MYO1B: variants seen among roughly 807,000 people sequenced by gnomAD.
MYO1B encodes myosin IB.
A neutral mutation model predicts 159.7 loss-of-function variants in MYO1B; 72 were observed. The ratio of observed to expected loss-of-function variants is 0.45; its 90% confidence interval spans 0.37 to 0.55. MYO1B has a LOEUF of 0.55. MYO1B is among the 20% of genes least tolerant of loss of function. The probability of loss-of-function intolerance (pLI) is 0.00; values close to 1 mark genes in which losing one functional copy is unlikely to be tolerated. For synonymous variants in MYO1B, 468 were observed against 473.8 expected (o/e 0.99, Z 0.16); for missense variants, 1,062 against 1,364.8 (o/e 0.78, Z 3.50).
intron 30 of MYO1B, among the ~76,000 whole-genome samples, chr2:191,422,510 A>C (rs1457636704): frequency 6.6e-6 from 1 of 152,214 alleles, no homozygotes; most frequent in African/African-American, 2.4e-5. Flanking sequence ...TTTTTAATCC[A>C]TGAATTAATT....
In MYO1B at chr2:191,260,254, C is replaced by CTT. The variant is rs57237733; in HGVS notation, c.-10+14640_-10+14641dup. The stretch of plus-strand genomic sequence containing the variant: ...TAATATTACTTTTTTCCCAGATAGG[C>CTT]TTTTTTTTTTTTTGAATTAAAGCTA... On this transcript the variant is annotated intron_variant, in intron 1 of 30. Coordinates refer to ENST00000392318, the MANE Select transcript of MYO1B (RefSeq NM_001130158.3). 3.3e-4 allele frequency among the ~76,000 whole-genome samples: 20 copies of CTT among 61,004 alleles called. 5 individuals carry two copies. Among genetic ancestry groups the CTT allele is most frequent in the Admixed American group, 1.2e-3 (4 of 3,304 alleles). 40.0% of individuals were successfully genotyped at this position (61,004 alleles called of 152,430 possible).
chr2:191,385,919 G>A lies in MYO1B; in HGVS notation c.1389G>A (p.Glu463=), dbSNP rs1309662769. ...GAATCCTGGCCATGCTGGATGAAGA[G>A]TGCCTCAGACCTGGCACAGTCACTG... is the stretch of plus-strand genomic sequence containing the variant. The part of the protein sequence containing the change: ...TNGILAMLDE[E]CLRPGTVTDE... Residue 463 remains glutamate (E), a synonymous_variant, in exon 16 of 31, where the codon GAG becomes GAA. Transcript: ENST00000392318. 4 of 1,614,156 alleles carry A rather than the reference G, an allele frequency of 2.5e-6. No homozygotes were observed. Among genetic ancestry groups the A allele is most frequent in the East Asian group, 4.5e-5 (2 of 44,890 alleles).
intron 7 of MYO1B, 172 bp downstream of exon 7, chr2:191,350,397 A>G (rs1185286879): frequency 6.9e-6 from 3 of 436,616 alleles, no homozygotes; most frequent in Admixed American, 4.0e-5. Flanking sequence ...TGTAATTTAT[A>G]AATCTTTTTA....
chr2:191,343,105 T>A (rs1156920333), intron 5 of MYO1B, among the ~76,000 whole-genome samples: 1 of 152,128 alleles, frequency 6.6e-6, no homozygotes, highest in African/African-American at 2.4e-5. Flanking sequence ...CTGCCCCTAG[T>A]TGTTACAGTT....
intron 15 of MYO1B, among the ~76,000 whole-genome samples, chr2:191,384,908 C>T (rs562944180): frequency 1.6e-4 from 24 of 152,226 alleles, no homozygotes; most frequent in African/African-American, 5.3e-4. Context: ...AATGTTTGTT[C>T]TGGGGATGTT....
intron 13 of MYO1B, among the ~76,000 whole-genome samples, chr2:191,379,746 T>C (rs1438539837): frequency 6.6e-6 from 1 of 152,194 alleles, no homozygotes; most frequent in African/African-American, 2.4e-5. Flanking sequence ...CTTTTACTTA[T>C]AGGTTTTATT....
chr2:191,348,459 T>C (rs560363837), intron 6 of MYO1B, among the ~76,000 whole-genome samples: 7 of 152,334 alleles, frequency 4.6e-5, no homozygotes, highest in Admixed American at 3.3e-4. Context: ...CCCTCTTACA[T>C]GGTCAACCTC....
At chr2:191,292,031 C>T (rs1177324693) in intron 2 of MYO1B, among the ~76,000 whole-genome samples, 1 of 152,098 alleles carries the variant, frequency 6.6e-6, no homozygotes, top group Non-Finnish European at 1.5e-5. Context: ...GGCTAATGCA[C>T]ATAGAACTTT....
intron 3 of MYO1B, among the ~76,000 whole-genome samples, chr2:191,297,648 C>T (rs1312992052): frequency 3.3e-5 from 5 of 152,022 alleles, no homozygotes; most frequent in Non-Finnish European, 7.4e-5. Context: ...GTCTTGGTTG[C>T]GGAAAAGATT....
At chr2:191,286,282 A>G (rs1688364630) in intron 2 of MYO1B, among the ~76,000 whole-genome samples, 1 of 152,098 alleles carries the variant, frequency 6.6e-6, no homozygotes, top group South Asian at 2.1e-4. Context: ...GGCATTTTGC[A>G]CAGTTTTGAA....
intron 24 of MYO1B, 31 bp downstream of exon 24, chr2:191,402,749 G>A (rs1194164435): frequency 5.7e-6 from 9 of 1,569,738 alleles, no homozygotes; most frequent in Middle Eastern, 1.7e-4. Context: ...TTCTGTCCAG[G>A]GTGAACTTCA....
At chr2:191,419,448 G>A (rs1214430374) in intron 30 of MYO1B, among the ~76,000 whole-genome samples, 1 of 152,120 alleles carries the variant, frequency 6.6e-6, no homozygotes, top group Non-Finnish European at 1.5e-5. Flanking sequence ...TCGATCTCCT[G>A]ACCTTGTGAT....
At chr2:191,401,885 T>A (rs1238277792) in intron 23 of MYO1B, 1 of 152,222 alleles carries the variant, frequency 6.6e-6, no homozygotes, top group Admixed American at 6.5e-5. Flanking sequence ...CCAGTCTCAG[T>A]ACTATAATAT....
intron 3 of MYO1B, among the ~76,000 whole-genome samples, chr2:191,299,407 T>G (rs1020129412): frequency 6.6e-6 from 1 of 152,224 alleles, no homozygotes; most frequent in Non-Finnish European, 1.5e-5. Flanking sequence ...TTGCTTGTTC[T>G]GTCAGTCCTC....
chr2:191,282,642 A>G (rs1688131526), intron 2 of MYO1B, among the ~76,000 whole-genome samples: 1 of 152,228 alleles, frequency 6.6e-6, no homozygotes, highest in African/African-American at 2.4e-5. Context: ...GTAATCTTCA[A>G]GATTATGTTG....
intron 4 of MYO1B, among the ~76,000 whole-genome samples, chr2:191,330,740 C>T (rs1574443821): frequency 6.6e-6 from 1 of 152,078 alleles, no homozygotes; most frequent in African/African-American, 2.4e-5. Flanking sequence ...ACTGATGAGT[C>T]TGTGGAGGAG....
intron 3 of MYO1B, among the ~76,000 whole-genome samples, chr2:191,302,972 G>A (rs933634218): frequency 7.2e-5 from 11 of 152,240 alleles, no homozygotes; most frequent in South Asian, 2.1e-4. Context: ...ATCACATACC[G>A]TTGCCCATGA....
At position 191,387,021 on chromosome 2, in the gene MYO1B, T is replaced by G. The variant is rs149896978; in HGVS notation, c.1555-203T>G. ...TGCAAATCCTGAATGGTAATAGAATTTATTTTGATCTTGTCTGTGATTTAG... is the reference window on the plus strand; with the variant it reads ...TGCAAATCCTGAATGGTAATAGAATGTATTTTGATCTTGTCTGTGATTTAG... On this transcript the variant is annotated intron_variant, in intron 16 of 30. Coordinates refer to ENST00000392318, the MANE Select transcript of MYO1B (RefSeq NM_001130158.3). Among the ~76,000 whole-genome samples the G allele has an allele frequency of 2.9e-3, 436 of 152,330 alleles. 2 individuals are homozygous for G. The highest frequency in any genetic ancestry group is 4.0e-3 in the Non-Finnish European group (269 of 68,032).
At chr2:191,371,619 A>G (rs1694371598) in intron 13 of MYO1B, among the ~76,000 whole-genome samples, 1 of 152,016 alleles carries the variant, frequency 6.6e-6, no homozygotes, top group Non-Finnish European at 1.5e-5. Flanking sequence ...CCCTTTTAAT[A>G]TTTTCATTTA....
Sources: allele counts gnomAD v4.1 joint callset (sites outside exome capture counted in the v4.1 genomes callset), GRCh38; gene constraint gnomAD v4.1.1; transcripts MANE v1.5; gene names NCBI Gene and HGNC (gene_info 2026-07-23, HGNC 2026-07-21).